The following GDF9 variants were observed in gnomAD, a reference collection of about 807,000 sequenced individuals.
The protein encoded by GDF9 is growth differentiation factor 9.
GDF9 carries 30 observed loss-of-function variants against 33.8 expected under a neutral mutation model. That is an observed-to-expected ratio of 0.89 (90% confidence interval 0.66 to 1.20). The LOEUF is 1.20. Ranked by LOEUF, GDF9 falls within the 50% of genes most tolerant of loss-of-function variation. The pLI, the probability that GDF9 is intolerant of heterozygous loss-of-function variation, is 0.00. For missense variants in GDF9, 556 were observed against 543.7 expected, an observed-to-expected ratio of 1.02 and a Z score of -0.22; for synonymous variants, 205 against 200.7, an observed-to-expected ratio of 1.02 and a Z score of -0.18.
At chr5:132,862,687 A>G (rs1161154380) in intron 1 of GDF9, 131 bp from the exon 2 acceptor site, 1 of 701,864 alleles carries the variant, frequency 1.4e-6, no homozygotes, top group Non-Finnish European at 2.4e-6. Context: ...GCCTCAAAAA[A>G]AAAAATGGGG....
At chr5:132,863,629 G>A (rs749265190) in intron 1 of GDF9, among the ~76,000 whole-genome samples, 10 of 151,898 alleles carry the variant, frequency 6.6e-5, no homozygotes, top group Non-Finnish European at 1.5e-4. Flanking sequence ...TAGTAGAGAC[G>A]GGGTTTCACC....
chr5:132,864,552 AG>A lies in GDF9; in HGVS notation c.-20del. 6.2e-7 allele frequency: 1 copy of A among 1,601,244 alleles called. No homozygotes were observed. The highest frequency in any genetic ancestry group is 8.5e-7 in the Non-Finnish European group (1 of 1,179,418). Reference sequence around the variant, plus strand: ...GTGCCATGGCTTGGGAGAACTAGTGAGGAACATATTTCTCCATGCCAGTCCT... The same window carrying A: ...GTGCCATGGCTTGGGAGAACTAGTGAGAACATATTTCTCCATGCCAGTCCT... On this transcript the variant is annotated 5_prime_UTR_variant, in exon 1 of 2. The change abolishes the stop of an existing upstream ORF in the 5' untranslated region. Transcript: ENST00000687138.
At position 132,864,176 on chromosome 5, in the gene GDF9, A is replaced by AG; in HGVS notation, c.357dup (p.Cys120LeufsTer24). ...CCAGGAGCCTGCTTGTGCCGGGTAC[A>AG]GGGGGTGAAGAGCCGAACAGTGTTG... On this transcript the variant is annotated frameshift_variant, in exon 1 of 2. Coordinates refer to ENST00000687138, the MANE Select transcript of GDF9 (RefSeq NM_005260.7). LOFTEE classifies it high-confidence loss of function. The AG allele has an allele frequency of 6.2e-7, 1 of 1,614,216 alleles. No individual in the cohort carries two copies.
In GDF9 at chr5:132,861,584, A is replaced by G; in HGVS notation, c.*5T>C. ...ATAGGCTCAAGGTTTTAAGAGGACC[A>G]TTTGTTAACGACAGGTGCACTTTGT... is the stretch of plus-strand genomic sequence containing the variant. On this transcript the variant is annotated 3_prime_UTR_variant, in exon 2 of 2. Coordinates refer to ENST00000687138, the MANE Select transcript of GDF9 (RefSeq NM_005260.7). 2 of 1,613,456 alleles carry G rather than the reference A, an allele frequency of 1.2e-6. No individual in the cohort carries two copies. Among genetic ancestry groups the G allele is most frequent in the Non-Finnish European group, 1.7e-6 (2 of 1,179,330 alleles).
In GDF9 at chr5:132,861,314, A is replaced by G; in HGVS notation, c.*275T>C. 1 of 410,802 alleles carries G rather than the reference A, an allele frequency of 2.4e-6. No individual in the cohort carries two copies. Among genetic ancestry groups the G allele is most frequent in the Non-Finnish European group, 4.4e-6 (1 of 225,504 alleles). 25.4% of individuals were successfully genotyped at this position (410,802 alleles called of 1,614,324 possible). A position where few individuals can be genotyped will look rare whatever the true frequency, so the allele number is the denominator to read the frequency against. On this transcript the variant is annotated 3_prime_UTR_variant, in exon 2 of 2. Coordinates refer to ENST00000687138, the MANE Select transcript of GDF9 (RefSeq NM_005260.7). ...CTATCAAGAATAAGACTCCTATGAA[A>G]AGAAAAAAAATCACTCAAGGAAAAA...
At position 132,862,573 on chromosome 5, in the gene GDF9, T is replaced by A; in HGVS notation, c.398-17A>T. On this transcript the variant is annotated splice_polypyrimidine_tract_variant and intron_variant, in intron 1 of 1. Transcript: ENST00000687138. ...GAAGGATTCCTAAGAAGAAAAAAAATCTACCAGTAGTGCTTGAAAATCAGT... is the reference window on the plus strand; with the variant it reads ...GAAGGATTCCTAAGAAGAAAAAAAAACTACCAGTAGTGCTTGAAAATCAGT... 6.3e-7 allele frequency: 1 copy of A among 1,594,558 alleles called. No individual in the cohort carries two copies. The highest frequency in any genetic ancestry group is 8.5e-7 in the Non-Finnish European group (1 of 1,173,192).
Position 132,862,426 on chromosome 5 carries a change from G to A in GDF9, c.528C>T (p.Cys176=). Reference sequence around the variant, plus strand: ...ACTTTGGCTCCTTTATCATTAGATTGCACACACATTTGACAGCAGAGGAAA... The same window carrying A: ...ACTTTGGCTCCTTTATCATTAGATTACACACACATTTGACAGCAGAGGAAA... ...VSFSSAVKCV[C]NLMIKEPKSS... is the part of the protein sequence containing the mutation. The change falls in exon 2 of 2, where the codon TGC becomes TGT. Residue 176 remains cysteine (C), a synonymous_variant. Transcript: ENST00000687138. 2 of 1,614,008 alleles carry A rather than the reference G, an allele frequency of 1.2e-6. No individual in the cohort carries two copies. The highest frequency in any genetic ancestry group is 1.7e-6 in the Non-Finnish European group (2 of 1,179,888).
rs1302325528 is a variant in GDF9, at chr5:132,866,301, C to CA, written c.-1769dup. On this transcript the variant is annotated 5_prime_UTR_variant, in exon 1 of 2. Coordinates refer to ENST00000687138, the MANE Select transcript of GDF9 (RefSeq NM_005260.7). ...TGGCCAGCGCTGCCCCGGAGGTCGG[C>CA]AGGCCCCTTCCTCGTCACCTTTTTG... 1 of 160,098 alleles carries CA rather than the reference C, an allele frequency of 6.2e-6. No individual in the cohort carries two copies. The highest frequency in any genetic ancestry group is 1.4e-5 in the Non-Finnish European group (1 of 72,714). 9.9% of individuals were successfully genotyped at this position (160,098 alleles called of 1,614,324 possible). A position where few individuals can be genotyped will look rare whatever the true frequency, so the allele number is the denominator to read the frequency against.
Position 132,862,161 on chromosome 5 carries a change from A to G in GDF9, c.793T>C (p.Leu265=). The G allele has an allele frequency of 6.2e-7, 1 of 1,613,408 alleles. No individual in the cohort carries two copies. The highest frequency in any genetic ancestry group is 8.5e-7 in the Non-Finnish European group (1 of 1,179,308). ...TGAGCACTTGTGTCATTCAAATATA[A>G]GATCAGTGAGGGGGACACCAGAGTC... ...NMTLVSPSLI[L]YLNDTSAQAY... The change falls in exon 2 of 2, where the codon TTA becomes CTA. Residue 265 remains leucine (L), a synonymous_variant. Transcript: ENST00000687138.
Position 132,864,460 on chromosome 5 carries a change from G to T in GDF9, c.74C>A (p.Ser25Tyr), listed in dbSNP as rs575344639. 1.2e-6 allele frequency: 2 copies of T among 1,613,868 alleles called. No homozygotes were observed. ...AWLCFPISLG[S>Y]QASGGEAQIA... ...CTGAGCTTCTCCCCCAGAAGCCTGA[G>T]AACCAAGGCTAATAGGAAAACACAG... The change falls in exon 1 of 2, where the codon TCT becomes TAT. Residue 25 changes from serine (S) to tyrosine (Y), a missense_variant. Transcript: ENST00000687138.
rs1759560704 is a variant in GDF9, at chr5:132,865,706, C to T, written c.-1173G>A. The T allele has an allele frequency of 6.6e-6, 1 of 152,192 alleles. No homozygotes were observed. Among genetic ancestry groups the T allele is most frequent in the African/African-American group, 2.4e-5 (1 of 41,434 alleles). 9.4% of individuals were successfully genotyped at this position (152,192 alleles called of 1,614,324 possible). A position where few individuals can be genotyped will look rare whatever the true frequency, so the allele number is the denominator to read the frequency against. ...GGTCCGTAAGTAGTGTTATAAAACA[C>T]AGCCAACTGTTGAATGAGAGCTTAG... On this transcript the variant is annotated 5_prime_UTR_variant, in exon 1 of 2. The change creates a new upstream start codon in the 5' untranslated region. Coordinates refer to ENST00000687138, the MANE Select transcript of GDF9 (RefSeq NM_005260.7).
At position 132,862,344 on chromosome 5, in the gene GDF9, C is replaced by A; in HGVS notation, c.610G>T (p.Glu204Ter). The part of the protein sequence containing the change: ...PYSFTFNSQF[E>*]FGKKHKWIQI... Reference sequence around the variant, plus strand: ...ATCCATTTGTGTTTCTTTCCAAATTCAAACTGTGAGTTAAAGGTAAATGAG... The same window carrying A: ...ATCCATTTGTGTTTCTTTCCAAATTAAAACTGTGAGTTAAAGGTAAATGAG... The change falls in exon 2 of 2, where the codon GAA becomes TAA. Residue 204 changes from glutamate to a stop codon, truncating the protein, a stop_gained. Coordinates refer to ENST00000687138, the MANE Select transcript of GDF9 (RefSeq NM_005260.7). LOFTEE classifies it high-confidence loss of function. The A allele has an allele frequency of 6.2e-7, 1 of 1,614,142 alleles. No individual in the cohort carries two copies. The highest frequency in any genetic ancestry group is 8.5e-7 in the Non-Finnish European group (1 of 1,180,014).
At chr5:132,864,089 T>C (rs1561465794) in intron 1 of GDF9, 48 bp downstream of exon 1, 3 of 1,569,300 alleles carry the variant, frequency 1.9e-6, no homozygotes, top group South Asian at 2.2e-5. Flanking sequence ...AATGCAGAAG[T>C]GTCTATCATC....
At position 132,865,444 on chromosome 5, in the gene GDF9, T is replaced by G. The variant is rs1315134387; in HGVS notation, c.-911A>C. 6.6e-6 allele frequency: 1 copy of G among 152,204 alleles called. No individual in the cohort carries two copies. The highest frequency in any genetic ancestry group is 1.9e-4 in the East Asian group (1 of 5,204). The allele number at this position is 152,204 out of a possible 1,614,324, so 9.4% of individuals were successfully genotyped here. A position where few individuals can be genotyped will look rare whatever the true frequency, so the allele number is the denominator to read the frequency against. On this transcript the variant is annotated 5_prime_UTR_variant, in exon 1 of 2. Transcript: ENST00000687138. The stretch of plus-strand genomic sequence containing the variant: ...CAATATTTCTGTCCTTACCTGTATT[T>G]CTGTTCTTGCCTTGGAGCTGAGACC...
At position 132,861,676 on chromosome 5, in the gene GDF9, G is replaced by A. The variant is rs1264881624; in HGVS notation, c.1278C>T (p.Pro426=). Residue 426 remains proline, a synonymous_variant, in exon 2 of 2, where the codon CCC becomes CCT. Coordinates refer to ENST00000687138, the MANE Select transcript of GDF9 (RefSeq NM_005260.7). ...RPSCVPAKYS[P]LSVLTIEPDG... ...CGGGCTCAATGGTCAAAACACTCAAGGGGCTGTATTTGGCAGGTACACATG... is the reference window on the plus strand; with the variant it reads ...CGGGCTCAATGGTCAAAACACTCAAAGGGCTGTATTTGGCAGGTACACATG... The A allele has an allele frequency of 1.9e-6, 3 of 1,610,638 alleles. 1 individual carries two copies. The highest frequency in any genetic ancestry group is 4.5e-5 in the East Asian group (2 of 44,882).
chr5:132,861,956 C>T lies in GDF9; in HGVS notation c.998G>A (p.Gly333Asp). 4 of 1,614,102 alleles carry T rather than the reference C, an allele frequency of 2.5e-6. No individual in the cohort carries two copies. Among genetic ancestry groups the T allele is most frequent in the Non-Finnish European group, 3.4e-6 (4 of 1,179,972 alleles). ...TTCACTCAGATTGAAGGAAGCTGGG[C>T]CCAAGGGCTTCTTCAATTCAGAACT... ...TVSSELKKPL[G>D]PASFNLSEYF... Residue 333 changes from glycine (G) to aspartate (D), a missense_variant, in exon 2 of 2, where the codon GGC (glycine) becomes GAC (aspartate). By Grantham distance (94) the Gly-to-Asp change is moderately conservative. Coordinates refer to ENST00000687138, the MANE Select transcript of GDF9 (RefSeq NM_005260.7).
At chr5:132,864,039 AC>A in intron 1 of GDF9, 97 bp downstream of exon 1, 1 of 1,266,696 alleles carries the variant, frequency 7.9e-7, no homozygotes, top group Non-Finnish European at 1.2e-6. Flanking sequence ...AAAATAAAAT[AC>A]AATTCAAGGA....
At chr5:132,863,410 A>G (rs1480028053) in intron 1 of GDF9, among the ~76,000 whole-genome samples, 1 of 151,776 alleles carries the variant, frequency 6.6e-6, no homozygotes, top group Admixed American at 6.6e-5. Context: ...TTGGGTTAGA[A>G]TGGTTTTAAA....
chr5:132,864,328 A>T lies in GDF9; in HGVS notation c.206T>A (p.Leu69Gln). The change falls in exon 1 of 2, where the codon CTA becomes CAA. Residue 69 changes from leucine to glutamine, a missense_variant. Leu to Gln is a moderately radical substitution (Grantham distance 113, BLOSUM62 -2). Coordinates refer to ENST00000687138, the MANE Select transcript of GDF9 (RefSeq NM_005260.7). ...AGLLPALFKV[L>Q]SVGRGGSPRL... is the part of the protein sequence containing the mutation. The stretch of plus-strand genomic sequence containing the variant: ...AGGTGACCCACCTCGCCCAACAGAT[A>T]GAACTTTGAAAAGCGCGGGAAGGAG... 6.2e-7 allele frequency: 1 copy of T among 1,614,238 alleles called. No individual in the cohort carries two copies. Among genetic ancestry groups the T allele is most frequent in the Admixed American group, 1.7e-5 (1 of 60,024 alleles).
Sources: allele counts gnomAD v4.1 joint callset (sites outside exome capture counted in the v4.1 genomes callset), GRCh38; gene constraint gnomAD v4.1.1; transcripts MANE v1.5; gene names NCBI Gene and HGNC (gene_info 2026-07-23, HGNC 2026-07-21).